Variants in LDLRAD4 observed in about 807,000 individuals in gnomAD.
LDLRAD4 encodes low-density lipoprotein receptor class A domain-containing protein 4.
Under a neutral mutation model 17.0 loss-of-function variants are expected in LDLRAD4, and 5 were observed. The ratio of observed to expected loss-of-function variants is 0.29; its 90% CI spans 0.15 to 0.62. The LOEUF (loss-of-function observed/expected upper bound fraction) is 0.62. Ranked by LOEUF, LDLRAD4 falls within the 20% of genes least tolerant of loss-of-function variation. The probability of loss-of-function intolerance (pLI) is 0.84; values close to 1 mark genes in which losing one functional copy is unlikely to be tolerated. For synonymous variants in LDLRAD4, 168 were observed against 171.8 expected (o/e 0.98, Z 0.17); for missense variants, 340 against 424.7 (o/e 0.80, Z 1.75).
At chr18:13,325,591 C>G (rs536471034) in intron 1 of LDLRAD4, among the ~76,000 whole-genome samples, 1 of 152,142 alleles carries the variant, frequency 6.6e-6, no homozygotes, top group Non-Finnish European at 1.5e-5. Context: ...TGCTCAGTGC[C>G]TCCTCTACTC....
chr18:13,248,672 T>C (rs77562075), intron 1 of LDLRAD4, among the ~76,000 whole-genome samples: 2,175 of 152,324 alleles, frequency 0.014, 42 homozygotes, highest in South Asian at 0.041. Context: ...ATGGGGTACA[T>C]AGTGATGTTT....
Position 13,398,391 on chromosome 18 carries a change from G to A in LDLRAD4, c.40+10629G>A, listed in dbSNP as rs1165591398. Among the ~76,000 whole-genome samples, 1 of 146,788 alleles carries A rather than the reference G, an allele frequency of 6.8e-6. No homozygotes were observed. The highest frequency in any genetic ancestry group is 1.5e-5 in the Non-Finnish European group (1 of 66,200). On this transcript the variant is annotated intron_variant, in intron 2 of 5. Transcript: ENST00000359446. The surrounding 1 kb of genome is among the most constrained non-coding windows in gnomAD (Gnocchi z 4.8). ...AGTGTGAGAGTGCAAACCTGAAAAT[G>A]GGAAAAAATGGGGCATTTTATGTTA...
At chr18:13,377,439 TGC>T (rs2085003601) in intron 1 of LDLRAD4, among the ~76,000 whole-genome samples, 1 of 152,156 alleles carries the variant, frequency 6.6e-6, no homozygotes, top group Non-Finnish European at 1.5e-5. Context: ...CTTAGATGAG[TGC>T]CCGTGCCTTC....
intron 1 of LDLRAD4, among the ~76,000 whole-genome samples, chr18:13,349,117 C>T (rs992413590): frequency 6.6e-6 from 1 of 152,238 alleles, no homozygotes; most frequent in Non-Finnish European, 1.5e-5. Context: ...GTGAGATGAA[C>T]CCGGTACCAC....
At chr18:13,425,717 A>C (rs1229566340) in intron 2 of LDLRAD4, among the ~76,000 whole-genome samples, 1 of 152,130 alleles carries the variant, frequency 6.6e-6, no homozygotes, top group Admixed American at 6.6e-5. Flanking sequence ...GCTGGGGTTG[A>C]CGGCCTGGGG....
rs562298471 is a variant in LDLRAD4 at position 13,328,449 on chromosome 18, C to G, written c.-383+50261C>G. 2.5e-3 allele frequency among the ~76,000 whole-genome samples: 374 copies of G among 152,360 alleles called. 1 individual carries two copies. The highest frequency in any genetic ancestry group is 8.2e-3 in the African/African-American group (339 of 41,586). The stretch of plus-strand genomic sequence containing the variant: ...CTTATTCTTCCCACCCTTGAAGTGC[C>G]TGTTTCTGGCTTCTGGCCGGAGGCT... On this transcript the variant is annotated intron_variant, in intron 1 of 5. Coordinates refer to ENST00000359446, the Ensembl canonical transcript of LDLRAD4.
intron 2 of LDLRAD4, among the ~76,000 whole-genome samples, chr18:13,409,604 T>C (rs2088131771): frequency 6.6e-6 from 1 of 152,264 alleles, no homozygotes. Flanking sequence ...TTTTGTATTA[T>C]ATCTGACAGC....
Position 13,280,591 on chromosome 18 carries a change from C to T in LDLRAD4, c.-383+2403C>T, listed in dbSNP as rs375228157. Among the ~76,000 whole-genome samples the T allele has an allele frequency of 3.4e-3, 524 of 152,246 alleles. 3 individuals carry two copies. Among genetic ancestry groups the T allele is most frequent in the African/African-American group, 0.012 (479 of 41,540 alleles). On this transcript the variant is annotated intron_variant, in intron 1 of 5. Transcript: ENST00000359446. Reference sequence around the variant, plus strand: ...GGAGCGTGTGGGGGAGTGCTGCTGACGTGATTAAGCACAAAGGCACTGGGG... The same window carrying T: ...GGAGCGTGTGGGGGAGTGCTGCTGATGTGATTAAGCACAAAGGCACTGGGG...
At chr18:13,594,665 CAAAAAAA>C (rs56035558) in intron 3 of LDLRAD4, among the ~76,000 whole-genome samples, 878 of 29,610 alleles carry the variant, frequency 0.03, 10 homozygotes, top group African/African-American at 0.043. Flanking sequence ...GATTCCATCT[CAAAAAAA>C]AAAAAAAAAA....
At chr18:13,532,907 G>A (rs912825755) in intron 3 of LDLRAD4, among the ~76,000 whole-genome samples, 7 of 152,238 alleles carry the variant, frequency 4.6e-5, no homozygotes, top group Non-Finnish European at 8.8e-5. Flanking sequence ...GGCAGGGGCC[G>A]TGGAAGGAGC....
upstream of LDLRAD4, among the ~76,000 whole-genome samples, chr18:13,218,369 AC>A (rs1020154601): frequency 6.6e-6 from 1 of 151,614 alleles, no homozygotes; most frequent in Non-Finnish European, 1.5e-5. Flanking sequence ...GACTTCGCCG[AC>A]CCCCACCCCG....
chr18:13,328,467 C>T lies in LDLRAD4; in HGVS notation c.-383+50279C>T, dbSNP rs934212809. Reference sequence around the variant, plus strand: ...GAAGTGCCTGTTTCTGGCTTCTGGCCGGAGGCTACACTTCCCAGCCTGTCA... The same window carrying T: ...GAAGTGCCTGTTTCTGGCTTCTGGCTGGAGGCTACACTTCCCAGCCTGTCA... On this transcript the variant is annotated intron_variant, in intron 1 of 5. Coordinates refer to ENST00000359446, the Ensembl canonical transcript of LDLRAD4. Among the ~76,000 whole-genome samples, 8 of 152,326 alleles carry T rather than the reference C, an allele frequency of 5.3e-5. No individual in the cohort carries two copies. The East Asian group carries it at 5.8e-4, about 11-fold the overall frequency.
rs568631625 is a variant in LDLRAD4, at chr18:13,313,660, C to T, written c.-383+35472C>T. On this transcript the variant is annotated intron_variant, in intron 1 of 5. Transcript: ENST00000359446. ...ATGTCATTTGAACAAGAACGTTTTG[C>T]ACCTATTGATGTACTGCGTTTAATT... Among the ~76,000 whole-genome samples the T allele has an allele frequency of 3.5e-4, 53 of 152,330 alleles. 1 individual carries two copies. In the South Asian group the frequency reaches 0.011, roughly 30 times the overall value.
At chr18:13,537,988 A>G (rs1281329590) in intron 3 of LDLRAD4, among the ~76,000 whole-genome samples, 1 of 152,070 alleles carries the variant, frequency 6.6e-6, no homozygotes, top group African/African-American at 2.4e-5. Flanking sequence ...AATATTGTTT[A>G]TTAGCCTTTT....
chr18:13,576,506 T>C (rs1254832916), intron 3 of LDLRAD4, among the ~76,000 whole-genome samples: 4 of 152,054 alleles, frequency 2.6e-5, no homozygotes, highest in Admixed American at 6.5e-5. Flanking sequence ...TAAAGCCATG[T>C]AATTCTTGCC....
At chr18:13,235,283 T>G (rs1242630470) in intron 1 of LDLRAD4, among the ~76,000 whole-genome samples, 1 of 152,106 alleles carries the variant, frequency 6.6e-6, no homozygotes, top group African/African-American at 2.4e-5. Context: ...ATTATTAAAG[T>G]TTATTAAATT....
At chr18:13,573,991 A>C (rs905699151) in intron 3 of LDLRAD4, among the ~76,000 whole-genome samples, 1 of 152,158 alleles carries the variant, frequency 6.6e-6, no homozygotes, top group Non-Finnish European at 1.5e-5. Context: ...CACCAGAGTG[A>C]GGCTTGTGGG....
At chr18:13,283,080 A>C (rs1367516248) in intron 1 of LDLRAD4, among the ~76,000 whole-genome samples, 1 of 152,192 alleles carries the variant, frequency 6.6e-6, no homozygotes. Context: ...CCTAGGTTGC[A>C]TACAGCACGG....
chr18:13,609,338 G>C (rs1299492468), intron 3 of LDLRAD4, among the ~76,000 whole-genome samples: 1 of 152,188 alleles, frequency 6.6e-6, no homozygotes, highest in Non-Finnish European at 1.5e-5. Flanking sequence ...CCTTTCTGAA[G>C]CACCATCTTC....
Sources: gnomAD v4.1 joint callset for allele counts (sites outside exome capture counted in the v4.1 genomes callset) on GRCh38, gnomAD v4.1.1 for gene constraint, Gnocchi (gnomAD v3.1) non-coding constraint, MANE v1.5 for transcripts, NCBI Gene and HGNC (gene_info 2026-07-23, HGNC 2026-07-21) for gene names.